Variants in SPAG16 observed in about 807,000 individuals in gnomAD.
SPAG16 encodes the protein sperm associated antigen 16.
SPAG16 carries 86 observed loss-of-function variants against 80.4 expected under a neutral mutation model. The ratio of observed to expected loss-of-function variants is 1.07; its 90% CI spans 0.90 to 1.28. The LOEUF (loss-of-function observed/expected upper bound fraction) is 1.28. Among genes scored for constraint, SPAG16 ranks in the 50% most tolerant of loss-of-function variants. The pLI is 0.00. For missense variants in SPAG16, 870 were observed against 765.3 expected (o/e 1.14, Z -1.61); for synonymous variants, 294 against 265.9 (o/e 1.11, Z -1.03).
intron 9 of SPAG16, among the ~76,000 whole-genome samples, chr2:213,423,176 A>T (rs2125445757): frequency 6.6e-6 from 1 of 152,332 alleles, no homozygotes; most frequent in East Asian, 1.9e-4. Context: ...ATTTTATGAT[A>T]GATTTTGATC....
intron 10 of SPAG16, among the ~76,000 whole-genome samples, chr2:213,530,181 TAATA>T: frequency 6.6e-6 from 1 of 152,290 alleles, no homozygotes; most frequent in Middle Eastern, 3.4e-3. Flanking sequence ...AGAAAGTAAA[TAATA>T]AATATATAAA....
At chr2:214,186,846 GC>G (rs983938485) in intron 15 of SPAG16, among the ~76,000 whole-genome samples, 16 of 151,900 alleles carry the variant, frequency 1.1e-4, no homozygotes, top group Non-Finnish European at 1.9e-4. Flanking sequence ...TGCAACCTCT[GC>G]CCCCTGTGTT....
At chr2:213,334,900 G>T (rs900636236) in intron 5 of SPAG16, among the ~76,000 whole-genome samples, 2 of 152,006 alleles carry the variant, frequency 1.3e-5, no homozygotes, top group Non-Finnish European at 2.9e-5. Context: ...AGCACAATAG[G>T]GTCACTGTAG....
At chr2:213,458,507 C>T (rs911497409) in intron 9 of SPAG16, among the ~76,000 whole-genome samples, 6 of 152,004 alleles carry the variant, frequency 3.9e-5, no homozygotes, top group South Asian at 2.1e-4. Context: ...AGGAGGCGGA[C>T]GTGGCAGTGA....
intron 9 of SPAG16, among the ~76,000 whole-genome samples, chr2:213,478,053 C>A (rs115549625): frequency 6.6e-6 from 1 of 152,036 alleles, no homozygotes; most frequent in African/African-American, 2.4e-5. Context: ...TGGCATTTCC[C>A]CTTCTTGCAC....
At chr2:213,832,727 A>G (rs747080101) in intron 10 of SPAG16, among the ~76,000 whole-genome samples, 1 of 152,158 alleles carries the variant, frequency 6.6e-6, no homozygotes, top group Non-Finnish European at 1.5e-5. Flanking sequence ...TCACATTTTT[A>G]CACAACTGTC....
intron 6 of SPAG16, 42 bp downstream of exon 6, chr2:213,340,312 A>C: frequency 7.8e-7 from 1 of 1,282,082 alleles, no homozygotes; most frequent in Non-Finnish European, 1.1e-6. Context: ...AGAGTTATTT[A>C]ATACATGTTA....
chr2:213,948,963 T>G (rs1190822033), intron 12 of SPAG16, among the ~76,000 whole-genome samples: 1 of 152,088 alleles, frequency 6.6e-6, no homozygotes, highest in Non-Finnish European at 1.5e-5. Context: ...ATAATTAAAT[T>G]ATTTGATAGG....
chr2:213,409,103 A>G (rs1335218778), intron 9 of SPAG16, among the ~76,000 whole-genome samples: 1 of 136,124 alleles, frequency 7.3e-6, no homozygotes, highest in African/African-American at 2.8e-5. Flanking sequence ...TATTGTCCTG[A>G]AATAAATTAA....
At chr2:213,671,460 A>G (rs2063809936) in intron 10 of SPAG16, among the ~76,000 whole-genome samples, 1 of 152,150 alleles carries the variant, frequency 6.6e-6, no homozygotes, top group African/African-American at 2.4e-5. Context: ...CATACATAGC[A>G]GAACTGTGAG....
intron 14 of SPAG16, among the ~76,000 whole-genome samples, chr2:214,125,278 G>A (rs1034034116): frequency 2.6e-5 from 4 of 151,426 alleles, no homozygotes; most frequent in African/African-American, 9.7e-5. Context: ...TTTAGTCTGA[G>A]GGATAGAATT....
intron 10 of SPAG16, among the ~76,000 whole-genome samples, chr2:213,706,313 T>G (rs1287647492): frequency 6.6e-6 from 1 of 152,242 alleles, no homozygotes; most frequent in East Asian, 1.9e-4. Context: ...GTTGAGTGAA[T>G]AAAACTTCTA....
chr2:214,063,512 T>C (rs777621651), intron 13 of SPAG16, among the ~76,000 whole-genome samples: 1 of 152,194 alleles, frequency 6.6e-6, no homozygotes, highest in African/African-American at 2.4e-5. Flanking sequence ...GGGCAATTAC[T>C]AGTTCCCTCC....
intron 9 of SPAG16, among the ~76,000 whole-genome samples, chr2:213,433,671 A>G (rs985819882): frequency 1.3e-5 from 2 of 152,176 alleles, no homozygotes; most frequent in Non-Finnish European, 2.9e-5. Flanking sequence ...ATGACCATAT[A>G]CCCAAAGCAA....
intron 15 of SPAG16, among the ~76,000 whole-genome samples, chr2:214,337,566 G>A (rs889865068): frequency 1.3e-5 from 2 of 152,130 alleles, no homozygotes; most frequent in East Asian, 3.9e-4. Flanking sequence ...GTTAAAATCA[G>A]GTCTACCATT....
intron 10 of SPAG16, among the ~76,000 whole-genome samples, chr2:213,631,554 C>A (rs2062152420): frequency 1.3e-5 from 2 of 152,112 alleles, no homozygotes; most frequent in Admixed American, 6.5e-5. Context: ...CCTTGCTGTT[C>A]TCATGATGGA....
At chr2:214,281,914 A>G (rs1003970661) in intron 15 of SPAG16, among the ~76,000 whole-genome samples, 16 of 152,218 alleles carry the variant, frequency 1.1e-4, no homozygotes, top group African/African-American at 3.4e-4. Context: ...AAAACAGTAT[A>G]TATGGTGTGA....
intron 10 of SPAG16, among the ~76,000 whole-genome samples, chr2:213,674,541 C>A (rs1574751809): frequency 3.3e-5 from 5 of 149,776 alleles, no homozygotes; most frequent in African/African-American, 1.3e-4. Context: ...CCCTTTCCCC[C>A]ACCCCACAAC....
intron 10 of SPAG16, among the ~76,000 whole-genome samples, chr2:213,523,467 C>T (rs762588811): frequency 1.3e-5 from 2 of 151,930 alleles, no homozygotes; most frequent in Non-Finnish European, 2.9e-5. Flanking sequence ...ATAAAGATAC[C>T]CAAAAATGTG....
Sources: allele counts gnomAD v4.1 joint callset (sites outside exome capture counted in the v4.1 genomes callset), GRCh38; gene constraint gnomAD v4.1.1; transcripts MANE v1.5; gene names NCBI Gene and HGNC (gene_info 2026-07-23, HGNC 2026-07-21).